Variants in RASSF4 observed in about 807,000 individuals in gnomAD.
The protein encoded by RASSF4 is ras association domain-containing protein 4.
RASSF4 carries 38 observed loss-of-function variants against 41.1 expected under a neutral mutation model. The observed-to-expected ratio is 0.92, with a 90% CI of 0.71 to 1.21. RASSF4 has a LOEUF of 1.21. Among genes scored for constraint, RASSF4 ranks in the 50% most tolerant of loss-of-function variants. The probability of loss-of-function intolerance (pLI) is 0.00; values close to 1 mark genes in which losing one functional copy is unlikely to be tolerated. For missense variants in RASSF4, 414 were observed against 419.4 expected (o/e 0.99, Z 0.11); for synonymous variants, 179 against 163.4 (o/e 1.10, Z -0.73).
chr10:44,984,735 T>A, intron 5 of RASSF4, 78 bp from the exon 6 acceptor site: 1 of 1,524,796 alleles, frequency 6.6e-7, no homozygotes, highest in Non-Finnish European at 9.0e-7. Flanking sequence ...GGCTCTAGGG[T>A]GCCAGATCTC....
rs1404288524 is a variant in RASSF4 at position 44,989,330 on chromosome 10, C to T, written c.588C>T (p.Thr196=). 6.2e-7 allele frequency: 1 copy of T among 1,613,896 alleles called. No homozygotes were observed. The highest frequency in any genetic ancestry group is 1.3e-5 in the African/African-American group (1 of 74,940). The change falls in exon 7 of 11, where the codon ACC becomes ACT. Residue 196 remains threonine (T), a synonymous_variant. Coordinates refer to ENST00000340258, the MANE Select transcript of RASSF4 (RefSeq NM_032023.4). ...GSVTNVRVNS[T]MTTLQVLTLL... ...TGACCAATGTGAGGGTCAACAGCAC[C>T]ATGACAACCCTGCAGGTGCTCACCC...
rs146276737 is a variant in RASSF4, at chr10:44,992,917, C to T, written c.906-352C>T. On this transcript the variant is annotated intron_variant, in intron 10 of 10. Transcript: ENST00000340258. Reference sequence around the variant, plus strand: ...GGGTCCACTCAACGTACAGAGTGGACGCTGAGGCCCAGCACAAGGAAGGTT... The same window carrying T: ...GGGTCCACTCAACGTACAGAGTGGATGCTGAGGCCCAGCACAAGGAAGGTT... Among the ~76,000 whole-genome samples, 126 of 152,266 alleles carry T rather than the reference C, an allele frequency of 8.3e-4. No homozygotes were observed. In the South Asian group the frequency reaches 0.01, roughly 12 times the overall value.
intron 3 of RASSF4, chr10:44,977,789 G>GAC (rs776370620): frequency 3.1e-6 from 5 of 1,601,664 alleles, no homozygotes; most frequent in Non-Finnish European, 4.3e-6. Flanking sequence ...GTCTCGCAGG[G>GAC]ACACAGCAGG....
rs1842200057 is a variant in RASSF4, at chr10:44,993,593, A to G, written c.*264A>G. On this transcript the variant is annotated 3_prime_UTR_variant, in exon 11 of 11. Transcript: ENST00000340258. ...CTGTGTGGCCAGCCCTGTCCACACCATGCCTCTCCTGCACTGGAGAGCAGT... is the reference window on the plus strand; with the variant it reads ...CTGTGTGGCCAGCCCTGTCCACACCGTGCCTCTCCTGCACTGGAGAGCAGT... The G allele has an allele frequency of 2.0e-6, 1 of 509,736 alleles. No homozygotes were observed. Among genetic ancestry groups the G allele is most frequent in the Admixed American group, 3.1e-5 (1 of 31,778 alleles). The allele number at this position is 509,736 out of a possible 1,614,324, so 31.6% of individuals were successfully genotyped here.
intron 10 of RASSF4, among the ~76,000 whole-genome samples, chr10:44,992,797 C>A (rs1392937145): frequency 6.6e-6 from 1 of 152,168 alleles, no homozygotes; most frequent in Admixed American, 6.5e-5. Context: ...CCCAAACAGG[C>A]AGAGGAGACC....
At chr10:44,975,528 A>G (rs986983785) in intron 3 of RASSF4, among the ~76,000 whole-genome samples, 1 of 33,060 alleles carries the variant, frequency 3.0e-5, no homozygotes, top group African/African-American at 1.2e-4. Flanking sequence ...CCCCAGCCCC[A>G]CTCCCCTCTC....
At chr10:44,970,734 CAAG>C (rs1464758955) in intron 2 of RASSF4, 1 of 154,468 alleles carries the variant, frequency 6.5e-6, no homozygotes, top group African/African-American at 2.4e-5. Flanking sequence ...GGAGGCTTTA[CAAG>C]AAGTGTGGTG....
chr10:44,984,220 A>G, intron 5 of RASSF4, 107 bp downstream of exon 5: 1 of 1,133,824 alleles, frequency 8.8e-7, no homozygotes, highest in Middle Eastern at 3.0e-4. Context: ...TGCCCCAGCC[A>G]ACGAGGGGCT....
chr10:44,974,622 A>ACCCC (rs5784663), intron 3 of RASSF4, among the ~76,000 whole-genome samples: 8 of 151,638 alleles, frequency 5.3e-5, no homozygotes, highest in Admixed American at 6.5e-5. Context: ...CCTGAAAGAG[A>ACCCC]CCCCCCCGTG....
Position 44,989,337 on chromosome 10 carries a change from A to G in RASSF4, c.595A>G (p.Thr199Ala), listed in dbSNP as rs372733651. The G allele has an allele frequency of 2.7e-5, 44 of 1,613,702 alleles. No individual in the cohort carries two copies. Among genetic ancestry groups the G allele is most frequent in the African/African-American group, 1.3e-5 (1 of 74,876 alleles). Residue 199 changes from threonine to alanine, a missense_variant, in exon 7 of 11, where the codon ACC (threonine) becomes GCC (alanine). Transcript: ENST00000340258. ...TGTGAGGGTCAACAGCACCATGACA[A>G]CCCTGCAGGTGCTCACCCTGCTGCT... ...TNVRVNSTMT[T>A]LQVLTLLLNK...
Position 44,969,868 on chromosome 10 carries a change from G to A in RASSF4, c.-38-297G>A, listed in dbSNP as rs143588408. ...TCCCTGCCAAGGGAAGGGAGCATGT[G>A]ATCTAAAATGCTTAGGAGATGGATC... is the stretch of plus-strand genomic sequence containing the variant. On this transcript the variant is annotated intron_variant, in intron 1 of 10. Coordinates refer to ENST00000340258, the MANE Select transcript of RASSF4 (RefSeq NM_032023.4). Among the ~76,000 whole-genome samples, 495 of 152,346 alleles carry A rather than the reference G, an allele frequency of 3.2e-3. 1 individual carries two copies. The highest frequency in any genetic ancestry group is 0.011 in the African/African-American group (472 of 41,586).
At chr10:44,979,736 A>AGG (rs773523373) in intron 3 of RASSF4, among the ~76,000 whole-genome samples, 5 of 152,084 alleles carry the variant, frequency 3.3e-5, no homozygotes, top group Admixed American at 3.3e-4. Flanking sequence ...CCCATGTAGG[A>AGG]GGGGGTCAGT....
chr10:44,994,973 C>T lies in RASSF4; in HGVS notation c.*1644C>T, dbSNP rs1156898719. The T allele has an allele frequency of 6.6e-6, 1 of 152,166 alleles. No individual in the cohort carries two copies. Among genetic ancestry groups the T allele is most frequent in the Non-Finnish European group, 1.5e-5 (1 of 68,076 alleles). 9.4% of individuals were successfully genotyped at this position (152,166 alleles called of 1,614,324 possible). A position where few individuals can be genotyped will look rare whatever the true frequency, so the allele number is the denominator to read the frequency against. ...GCCTAGAGGTGACCTGGATGATGAGCAATAGAGTCACCCCGAGTCACAGAA... is the reference window on the plus strand; with the variant it reads ...GCCTAGAGGTGACCTGGATGATGAGTAATAGAGTCACCCCGAGTCACAGAA... On this transcript the variant is annotated 3_prime_UTR_variant, in exon 11 of 11. Transcript: ENST00000340258.
intron 3 of RASSF4, chr10:44,977,393 CAG>C: frequency 6.4e-7 from 1 of 1,571,580 alleles, no homozygotes; most frequent in Non-Finnish European, 8.7e-7. Flanking sequence ...GGGGAGGGGT[CAG>C]AGTTCATGGA....
chr10:44,965,894 G>A (rs138015767), intron 1 of RASSF4, among the ~76,000 whole-genome samples: 80 of 152,244 alleles, frequency 5.3e-4, no homozygotes, highest in African/African-American at 1.8e-3. Context: ...AGTCATGGCC[G>A]GAGACACTCA....
chr10:44,989,576 G>A (rs1842036181), intron 7 of RASSF4, 94 bp from the exon 8 acceptor site: 9 of 1,164,808 alleles, frequency 7.7e-6, no homozygotes, highest in Middle Eastern at 1.9e-4. Flanking sequence ...ACTTGCGTGT[G>A]TGTTACTGGG....
Position 44,977,812 on chromosome 10 carries a change from G to A in RASSF4, c.139-4709G>A, listed in dbSNP as rs753186334. On this transcript the variant is annotated intron_variant, in intron 3 of 10. Transcript: ENST00000340258. ...GGGACACAGCAGGGCGGCCCTTCCG[G>A]CAGGCCTGGGCTGGCCTGTGGGGTG... 38 of 1,599,874 alleles carry A rather than the reference G, an allele frequency of 2.4e-5. No individual in the cohort carries two copies. The South Asian group carries it at 3.4e-4, about 14-fold the overall frequency.
At chr10:44,975,747 G>A (rs1353793845) in intron 3 of RASSF4, among the ~76,000 whole-genome samples, 1 of 151,150 alleles carries the variant, frequency 6.6e-6, no homozygotes, top group Non-Finnish European at 1.5e-5. Context: ...ATTCTACTGG[G>A]AGGGAGCGCC....
At chr10:44,989,244 G>T in intron 6 of RASSF4, 30 bp from the exon 7 acceptor site, 1 of 1,468,520 alleles carries the variant, frequency 6.8e-7, no homozygotes, top group South Asian at 1.1e-5. Context: ...CTCTGGGCCT[G>T]ACCTGAACTT....
Sources: gnomAD v4.1 joint callset for allele counts (sites outside exome capture counted in the v4.1 genomes callset) on GRCh38, gnomAD v4.1.1 for gene constraint, MANE v1.5 for transcripts, NCBI Gene and HGNC (gene_info 2026-07-23, HGNC 2026-07-21) for gene names.